The following GRIN2A variants were observed in gnomAD, a reference collection of about 807,000 sequenced individuals.
GRIN2A encodes glutamate receptor ionotropic, NMDA 2A.
GRIN2A carries 22 observed loss-of-function variants against 113.4 expected under a neutral mutation model. The observed-to-expected ratio is 0.19, with a 90% CI of 0.14 to 0.28. GRIN2A has a LOEUF of 0.28. GRIN2A is among the 10% of genes least tolerant of loss of function. The pLI, the probability that GRIN2A is intolerant of heterozygous loss-of-function variation, is 1.00. For missense variants in GRIN2A, 1,502 were observed against 1,887.0 expected (o/e 0.80, Z 3.78); for synonymous variants, 827 against 738.4 (o/e 1.12, Z -1.94).
intron 2 of GRIN2A, among the ~76,000 whole-genome samples, chr16:10,084,170 G>A (rs927348848): frequency 2.3e-4 from 35 of 152,284 alleles, no homozygotes; most frequent in African/African-American, 8.2e-4. Context: ...CTTAGAACCT[G>A]GTGACATGTC....
At chr16:10,062,188 G>A (rs7188122) in intron 2 of GRIN2A, among the ~76,000 whole-genome samples, 16,557 of 152,122 alleles carry the variant, frequency 0.11, 1,051 homozygotes, top group African/African-American at 0.16. Flanking sequence ...TCTACCTAAG[G>A]CAGGAGTTGA....
chr16:10,068,961 C>A (rs1050183424), intron 2 of GRIN2A, among the ~76,000 whole-genome samples: 1 of 152,092 alleles, frequency 6.6e-6, no homozygotes, highest in African/African-American at 2.4e-5. Flanking sequence ...CAGGTGACAA[C>A]TGACAGAGCA....
At chr16:10,111,450 C>A in intron 2 of GRIN2A, 1 of 585,798 alleles carries the variant, frequency 1.7e-6, no homozygotes, top group African/African-American at 1.8e-5. Context: ...TGCAGCAGCT[C>A]TTCCTCGGCG....
At chr16:10,069,053 C>A (rs1411327635) in intron 2 of GRIN2A, among the ~76,000 whole-genome samples, 1 of 152,038 alleles carries the variant, frequency 6.6e-6, no homozygotes, top group Non-Finnish European at 1.5e-5. Flanking sequence ...GAGAAGGCAC[C>A]TAGGTTCTAG....
intron 2 of GRIN2A, among the ~76,000 whole-genome samples, chr16:10,074,747 C>T (rs776010523): frequency 5.3e-5 from 8 of 152,164 alleles, no homozygotes; most frequent in Admixed American, 2.6e-4. Context: ...GACAGAGTGA[C>T]GGCTAAAAAT....
chr16:10,163,505 C>T (rs1313927641), intron 2 of GRIN2A, among the ~76,000 whole-genome samples: 1 of 152,078 alleles, frequency 6.6e-6, no homozygotes, highest in Admixed American at 6.5e-5. Flanking sequence ...TCGCTGATAT[C>T]CTGGCTGGTG....
chr16:9,790,723 T>C (rs1291231757), intron 11 of GRIN2A, among the ~76,000 whole-genome samples: 2 of 152,228 alleles, frequency 1.3e-5, no homozygotes, highest in African/African-American at 2.4e-5. Context: ...TCTAGTGTCC[T>C]TTCTAAAGAA....
chr16:10,033,111 C>T (rs1019807487), intron 2 of GRIN2A, among the ~76,000 whole-genome samples: 3 of 152,168 alleles, frequency 2.0e-5, no homozygotes, highest in Admixed American at 1.3e-4. Context: ...GTGACTTTCC[C>T]AGATGCATGT....
chr16:10,007,473 G>A (rs1369164096), intron 2 of GRIN2A, among the ~76,000 whole-genome samples: 2 of 151,878 alleles, frequency 1.3e-5, no homozygotes, highest in African/African-American at 4.8e-5. Context: ...TTTTTAATTG[G>A]ATTATTAGAT....
At chr16:10,129,678 A>G (rs1254671723) in intron 2 of GRIN2A, among the ~76,000 whole-genome samples, 1 of 152,242 alleles carries the variant, frequency 6.6e-6, no homozygotes, top group Non-Finnish European at 1.5e-5. Flanking sequence ...CTGAGATATA[A>G]GCAGGAGATT....
intron 2 of GRIN2A, among the ~76,000 whole-genome samples, chr16:10,060,743 C>T (rs1224030999): frequency 1.3e-5 from 2 of 152,168 alleles, no homozygotes; most frequent in African/African-American, 2.4e-5. Context: ...CCCCAAGTCA[C>T]AAAGCTAGTA....
chr16:9,873,749 T>C (rs928836635), intron 4 of GRIN2A, among the ~76,000 whole-genome samples: 2 of 152,258 alleles, frequency 1.3e-5, no homozygotes, highest in Non-Finnish European at 2.9e-5. Flanking sequence ...GTATACAGCA[T>C]GGATGTCAGG....
At chr16:9,765,534 T>C (rs1228782947) in intron 12 of GRIN2A, among the ~76,000 whole-genome samples, 2 of 152,184 alleles carry the variant, frequency 1.3e-5, no homozygotes, top group Non-Finnish European at 2.9e-5. Flanking sequence ...ATGAAATTCA[T>C]GTGAGGCTCA....
In GRIN2A at chr16:9,763,843, A is replaced by T. The variant is rs1443971497; in HGVS notation, c.3701T>A (p.Phe1234Tyr). ...CATCCGCAGGCAGGCATCGCACTTGAAGGGGGACCTCATGGTGAAGTGGCC... is the reference window on the plus strand; with the variant it reads ...CATCCGCAGGCAGGCATCGCACTTGTAGGGGGACCTCATGGTGAAGTGGCC... ...YSGHFTMRSP[F>Y]KCDACLRMGN... is the part of the protein sequence containing the mutation. The change falls in exon 13 of 13, where the codon TTC (phenylalanine) becomes TAC (tyrosine). Residue 1234 changes from phenylalanine (F) to tyrosine (Y), a missense_variant. Phe to Tyr is a conservative substitution (Grantham distance 22). Coordinates refer to ENST00000330684, the MANE Select transcript of GRIN2A (RefSeq NM_001134407.3). 1 of 1,614,028 alleles carries T rather than the reference A, an allele frequency of 6.2e-7. No individual in the cohort carries two copies.
rs138017127 is a variant in GRIN2A, at chr16:10,112,860, G to A, written c.414+67138C>T. ...CGAGGGTGGCGTCCATGGCCTGCAC[G>A]CTTACCAGAAGCAGCTGTACTGAGG... is the stretch of plus-strand genomic sequence containing the variant. On this transcript the variant is annotated intron_variant, in intron 2 of 12. Transcript: ENST00000330684. 1.6e-3 allele frequency: 884 copies of A among 547,294 alleles called. 3 individuals are homozygous for A. The highest frequency in any genetic ancestry group is 3.0e-3 in the South Asian group (183 of 60,452). 33.9% of individuals were successfully genotyped at this position (547,294 alleles called of 1,614,324 possible).
chr16:9,788,603 T>G (rs9938947), intron 11 of GRIN2A, among the ~76,000 whole-genome samples: 2,905 of 151,728 alleles, frequency 0.019, 95 homozygotes, highest in African/African-American at 0.066. Context: ...TCCTTCTCCT[T>G]TTTTCCCCCT....
rs554870942 is a variant in GRIN2A, at chr16:9,825,683, TC to T, written c.2008-3260del. On this transcript the variant is annotated intron_variant, in intron 9 of 12. Coordinates refer to ENST00000330684, the MANE Select transcript of GRIN2A (RefSeq NM_001134407.3). ...CTAGTACAGTCTTCTGTTGGTGAAG[TC>T]CCACGTGCTTCTTGATGTGAGCAGC... Among the ~76,000 whole-genome samples the T allele has an allele frequency of 3.3e-5, 5 of 152,140 alleles. No individual in the cohort carries two copies. The South Asian group carries it at 1.0e-3, about 32-fold the overall frequency.
intron 2 of GRIN2A, among the ~76,000 whole-genome samples, chr16:10,024,275 G>A (rs1019666825): frequency 6.6e-6 from 1 of 152,226 alleles, no homozygotes; most frequent in East Asian, 1.9e-4. Flanking sequence ...CCAGGCTGGA[G>A]TGCAGTGGCA....
chr16:10,084,809 T>C (rs1808348726), intron 2 of GRIN2A, among the ~76,000 whole-genome samples: 1 of 150,790 alleles, frequency 6.6e-6, no homozygotes, highest in Admixed American at 6.7e-5. Flanking sequence ...TCCGTAAGGG[T>C]AAAAGGATAT....
Sources: gnomAD v4.1 joint callset for allele counts (sites outside exome capture counted in the v4.1 genomes callset) on GRCh38, gnomAD v4.1.1 for gene constraint, MANE v1.5 for transcripts, NCBI Gene and HGNC (gene_info 2026-07-23, HGNC 2026-07-21) for gene names.